GRID2: variants seen among roughly 807,000 people sequenced by gnomAD.
The protein encoded by GRID2 is glutamate receptor ionotropic, delta-2.
GRID2 carries 33 observed loss-of-function variants against 114.8 expected under a neutral mutation model. That is an observed-to-expected ratio of 0.29 (90% CI 0.22 to 0.38). The LOEUF is 0.38. Ranked by LOEUF, GRID2 falls within the 10% of genes least tolerant of loss-of-function variation. The probability of loss-of-function intolerance (pLI) is 1.00; values close to 1 mark genes in which losing one functional copy is unlikely to be tolerated. For synonymous variants in GRID2, 505 were observed against 449.9 expected, an observed-to-expected ratio of 1.12 and a Z score of -1.55; for missense variants, 1,184 against 1,257.7, an observed-to-expected ratio of 0.94 and a Z score of 0.89.
At chr4:92,589,067 T>A (rs775087898) in intron 1 of GRID2, among the ~76,000 whole-genome samples, 2 of 152,058 alleles carry the variant, frequency 1.3e-5, no homozygotes, top group Non-Finnish European at 2.9e-5. Context: ...AATCACGCCA[T>A]TGCACTCTAG....
chr4:93,481,671 G>A (rs1385407), intron 11 of GRID2, among the ~76,000 whole-genome samples: 38,881 of 151,882 alleles, frequency 0.26, 6,050 homozygotes, highest in Non-Finnish European at 0.35. Flanking sequence ...TTAAACAATT[G>A]TAATGTAACC....
intron 1 of GRID2, among the ~76,000 whole-genome samples, chr4:92,589,261 A>T (rs1419879326): frequency 6.6e-6 from 1 of 152,102 alleles, no homozygotes; most frequent in Non-Finnish European, 1.5e-5. Context: ...AGGTTTAGAC[A>T]AATGTGTTTA....
At chr4:93,501,563 C>T (rs1029086187) in intron 12 of GRID2, among the ~76,000 whole-genome samples, 1 of 151,892 alleles carries the variant, frequency 6.6e-6, no homozygotes, top group Non-Finnish European at 1.5e-5. Flanking sequence ...GTTTCCCAAA[C>T]GTACAGCTAT....
intron 2 of GRID2, among the ~76,000 whole-genome samples, chr4:93,051,542 G>T (rs1278678487): frequency 1.3e-5 from 2 of 151,944 alleles, no homozygotes; most frequent in Non-Finnish European, 2.9e-5. Flanking sequence ...CAACTTTACA[G>T]CTGAGAAAAA....
intron 2 of GRID2, among the ~76,000 whole-genome samples, chr4:92,888,300 G>A (rs1195379647): frequency 6.6e-6 from 1 of 152,114 alleles, no homozygotes. Context: ...GCTCAGAAGA[G>A]GTTTTTGGGG....
chr4:92,578,963 C>T (rs544743062), intron 1 of GRID2, among the ~76,000 whole-genome samples: 95 of 152,158 alleles, frequency 6.2e-4, no homozygotes, highest in African/African-American at 2.2e-3. Context: ...TGCCAATTTG[C>T]TTTATAGCTT....
intron 10 of GRID2, among the ~76,000 whole-genome samples, chr4:93,438,833 A>T (rs556220277): frequency 8.4e-6 from 1 of 119,164 alleles, no homozygotes; most frequent in African/African-American, 3.2e-5. Context: ...CCCTCCCCCC[A>T]TCCCCCACCC....
intron 14 of GRID2, among the ~76,000 whole-genome samples, chr4:93,685,126 G>A (rs1725958442): frequency 6.6e-6 from 1 of 151,994 alleles, no homozygotes; most frequent in Non-Finnish European, 1.5e-5. Flanking sequence ...TGACTATAAG[G>A]ACTCTGCCCA....
At chr4:93,694,255 C>A (rs374169176) in intron 14 of GRID2, among the ~76,000 whole-genome samples, 25 of 152,166 alleles carry the variant, frequency 1.6e-4, no homozygotes, top group African/African-American at 5.1e-4. Context: ...CCCCACTTAA[C>A]TCTGCCCTAT....
chr4:92,609,975 C>T (rs1729642620), intron 2 of GRID2, among the ~76,000 whole-genome samples: 2 of 151,634 alleles, frequency 1.3e-5, no homozygotes, highest in Admixed American at 1.3e-4. Context: ...ATTTAATAAA[C>T]TTTTCATCCA....
At chr4:92,797,180 T>C (rs1271994868) in intron 2 of GRID2, among the ~76,000 whole-genome samples, 1 of 151,992 alleles carries the variant, frequency 6.6e-6, no homozygotes, top group Non-Finnish European at 1.5e-5. Flanking sequence ...TGGCACTTCA[T>C]ATGGGTCCCC....
At chr4:92,424,606 AG>A (rs1732064580) in intron 1 of GRID2, among the ~76,000 whole-genome samples, 4 of 151,996 alleles carry the variant, frequency 2.6e-5, no homozygotes, top group Admixed American at 6.6e-5. Context: ...CATCTATAAA[AG>A]AACTAAAATT....
At position 93,599,806 on chromosome 4, in the gene GRID2, C is replaced by T. The variant is rs182414803; in HGVS notation, c.2194-26463C>T. Among the ~76,000 whole-genome samples the T allele has an allele frequency of 3.2e-3, 489 of 152,252 alleles. 5 individuals carry two copies. Among genetic ancestry groups the T allele is most frequent in the African/African-American group, 0.011 (444 of 41,548 alleles). On this transcript the variant is annotated intron_variant, in intron 13 of 15. Transcript: ENST00000282020. The stretch of plus-strand genomic sequence containing the variant: ...TCCACACACAGATCAAGACAGCTAG[C>T]ATTCAAGAATAAAGTTGCAGTTTTA...
intron 3 of GRID2, among the ~76,000 whole-genome samples, chr4:93,109,809 A>T (rs1322533558): frequency 6.6e-6 from 1 of 152,194 alleles, no homozygotes; most frequent in East Asian, 1.9e-4. Context: ...TATTTCAGAT[A>T]TCTTCTTCTA....
chr4:93,323,643 G>A (rs187166608), intron 8 of GRID2, among the ~76,000 whole-genome samples: 2 of 152,176 alleles, frequency 1.3e-5, no homozygotes, highest in Admixed American at 1.3e-4. Flanking sequence ...TGGGCACTAT[G>A]GCCATTTTCA....
rs76722254 is a variant in GRID2 at position 93,048,395 on chromosome 4, C to T, written c.245-36600C>T. On this transcript the variant is annotated intron_variant, in intron 2 of 15. Coordinates refer to ENST00000282020, the MANE Select transcript of GRID2 (RefSeq NM_001510.4). ...TTTTTCAGTGAGGGTCCTAGTCTGC[C>T]TGGAGAGTCAGGTACCTGATTCTCT... Among the ~76,000 whole-genome samples, 3 of 152,022 alleles carry T rather than the reference C, an allele frequency of 2.0e-5. No individual in the cohort carries two copies. In the East Asian group the frequency reaches 5.8e-4, roughly 30 times the overall value.
At chr4:92,794,905 T>TATATATATATATATATATATATACAC (rs745392261) in intron 2 of GRID2, among the ~76,000 whole-genome samples, 3 of 127,810 alleles carry the variant, frequency 2.3e-5, no homozygotes, top group African/African-American at 9.3e-5. Flanking sequence ...TATATATATA[T>TATATATATATATATATATATATACAC]ACACACACAC....
chr4:92,765,164 T>A (rs1160916030), intron 2 of GRID2, among the ~76,000 whole-genome samples: 1 of 152,206 alleles, frequency 6.6e-6, no homozygotes, highest in Admixed American at 6.5e-5. Context: ...TTTTATACTA[T>A]TTTTTGGTAT....
chr4:93,570,958 C>T (rs1735877500), intron 13 of GRID2, among the ~76,000 whole-genome samples: 1 of 152,084 alleles, frequency 6.6e-6, no homozygotes, highest in African/African-American at 2.4e-5. Flanking sequence ...CTCCTTCTGC[C>T]TTTCTTTCAT....
Sources: allele counts gnomAD v4.1 joint callset (sites outside exome capture counted in the v4.1 genomes callset), GRCh38; gene constraint gnomAD v4.1.1; transcripts MANE v1.5; gene names NCBI Gene and HGNC (gene_info 2026-07-23, HGNC 2026-07-21).